TRPM7: variants seen among roughly 807,000 people sequenced by gnomAD.
TRPM7 encodes transient receptor potential cation channel subfamily M member 7, also known as LTRPC ion channel family member 7.
A neutral mutation model predicts 229.7 loss-of-function variants in TRPM7; 134 were observed. The ratio of observed to expected loss-of-function variants is 0.58; its 90% CI spans 0.51 to 0.67. The LOEUF is 0.67. Among genes scored for constraint, TRPM7 ranks in the 30% least tolerant of loss-of-function variants. TRPM7 has a pLI of 0.00. For synonymous variants in TRPM7, 699 were observed against 715.2 expected (o/e 0.98, Z 0.36); for missense variants, 1,901 against 2,210.0 (o/e 0.86, Z 2.80).
rs1320376814 is a variant in TRPM7, at chr15:50,604,906, T to C, written c.2948A>G (p.Asn983Ser). 6.2e-7 allele frequency: 1 copy of C among 1,611,416 alleles called. No homozygotes were observed. Residue 983 changes from asparagine (N) to serine (S), a missense_variant, in exon 21 of 39, where the codon AAT becomes AGT. Coordinates refer to ENST00000646667, the MANE Select transcript of TRPM7 (RefSeq NM_017672.6). ...YVRLLDFLAV[N>S]QQAGPYVMMI... is the part of the protein sequence containing the mutation. The stretch of plus-strand genomic sequence containing the variant: ...CATTACATAAGGTCCTGCCTGTTGA[T>C]TTACAGCTAGAAAATCTAGCAAACG...
In TRPM7 at chr15:50,604,876, A is replaced by G; in HGVS notation, c.2978T>C (p.Ile993Thr). Reference protein sequence around the residue: ...NQQAGPYVMMIGKMVANMFYI... With the variant: ...NQQAGPYVMMTGKMVANMFYI... ...CATCTGTCAACTTACCATTTTTCCA[A>G]TCATCATTACATAAGGTCCTGCCTG... The change falls in exon 21 of 39, where the codon ATT becomes ACT. Residue 993 changes from isoleucine (I) to threonine (T), a missense_variant. Coordinates refer to ENST00000646667, the MANE Select transcript of TRPM7 (RefSeq NM_017672.6). The G allele has an allele frequency of 6.4e-7, 1 of 1,565,190 alleles. No homozygotes were observed. Among genetic ancestry groups the G allele is most frequent in the Non-Finnish European group, 8.6e-7 (1 of 1,156,126 alleles).
chr15:50,561,916 CG>C, intron 38 of TRPM7, 108 bp from the exon 39 acceptor site: 2 of 1,156,952 alleles, frequency 1.7e-6, no homozygotes, highest in Non-Finnish European at 2.3e-6. Flanking sequence ...CTTTTCAAGA[CG>C]GAGTTTCGCT....
chr15:50,566,417 G>A (rs1400306882), intron 38 of TRPM7, among the ~76,000 whole-genome samples: 1 of 152,056 alleles, frequency 6.6e-6, no homozygotes, highest in Non-Finnish European at 1.5e-5. Flanking sequence ...AACATCTGAG[G>A]CCGGGCGCAG....
At position 50,609,565 on chromosome 15, in the gene TRPM7, T is replaced by A; in HGVS notation, c.2580+16A>T. The A allele has an allele frequency of 6.3e-7, 1 of 1,593,776 alleles. No homozygotes were observed. The highest frequency in any genetic ancestry group is 8.5e-7 in the Non-Finnish European group (1 of 1,173,384). On this transcript the variant is annotated intron_variant, in intron 19 of 38. Coordinates refer to ENST00000646667, the MANE Select transcript of TRPM7 (RefSeq NM_017672.6). The stretch of plus-strand genomic sequence containing the variant: ...AACTCTTAAAAACATTATGCTTGTG[T>A]AATTTAAAAACATACCGTGTTAAAC...
At chr15:50,589,753 C>A in intron 26 of TRPM7, 97 bp from the exon 27 acceptor site, 1 of 767,024 alleles carries the variant, frequency 1.3e-6, no homozygotes, top group Non-Finnish European at 2.1e-6. Flanking sequence ...TAGGTTTATG[C>A]TGTTTTTCAA....
chr15:50,587,119 C>T (rs765464364), intron 27 of TRPM7, among the ~76,000 whole-genome samples: 4 of 152,124 alleles, frequency 2.6e-5, no homozygotes, highest in Non-Finnish European at 5.9e-5. Flanking sequence ...TCACCTCACC[C>T]CCAAAGAAGC....
chr15:50,682,300 C>T (rs1294742640), intron 1 of TRPM7, among the ~76,000 whole-genome samples: 3 of 151,608 alleles, frequency 2.0e-5, no homozygotes, highest in Non-Finnish European at 4.4e-5. Context: ...TCTAAAACCC[C>T]TACGTGGACA....
In TRPM7 at chr15:50,594,487, A is replaced by G; in HGVS notation, c.3417T>C (p.Val1139=). Residue 1139 remains valine, a synonymous_variant, in exon 24 of 39, where the codon GTT becomes GTC. Coordinates refer to ENST00000646667, the MANE Select transcript of TRPM7 (RefSeq NM_017672.6). ...TCTTACATATGCAGCAAAACAGAGA[A>G]ACTATATGGCTAAGAATGATAAGTG... ...PPPLIILSHI[V]SLFCCICKRR... 1 of 1,613,300 alleles carries G rather than the reference A, an allele frequency of 6.2e-7. No homozygotes were observed. Among genetic ancestry groups the G allele is most frequent in the South Asian group, 1.1e-5 (1 of 90,960 alleles).
intron 5 of TRPM7, among the ~76,000 whole-genome samples, chr15:50,642,254 C>G (rs2061125094): frequency 6.6e-6 from 1 of 152,168 alleles, no homozygotes; most frequent in Non-Finnish European, 1.5e-5. Context: ...TAATGCTTTG[C>G]TCTACAGTAG....
At chr15:50,632,796 C>T in intron 9 of TRPM7, 73 bp downstream of exon 9, 5 of 1,333,766 alleles carry the variant, frequency 3.7e-6, no homozygotes, top group Non-Finnish European at 5.0e-6. Flanking sequence ...AGTATTTCAC[C>T]AGTTTAGAAT....
chr15:50,569,730 C>A (rs1596058962), intron 38 of TRPM7, among the ~76,000 whole-genome samples, 157 bp downstream of exon 38: 2 of 152,264 alleles, frequency 1.3e-5, no homozygotes, highest in Middle Eastern at 3.4e-3. Flanking sequence ...AACACAGATT[C>A]ATTTATAACC....
intron 27 of TRPM7, among the ~76,000 whole-genome samples, chr15:50,587,684 C>T (rs1367743332): frequency 6.6e-6 from 1 of 152,002 alleles, no homozygotes; most frequent in African/African-American, 2.4e-5. Context: ...TCAAGTGCTT[C>T]GCAATAGCAA....
chr15:50,670,628 C>T (rs545397863), intron 1 of TRPM7, among the ~76,000 whole-genome samples: 112 of 152,140 alleles, frequency 7.4e-4, no homozygotes, highest in African/African-American at 2.6e-3. Context: ...CTGGGAACTG[C>T]CCACCACTTT....
chr15:50,632,496 G>A (rs2060768386), intron 9 of TRPM7, among the ~76,000 whole-genome samples: 1 of 152,060 alleles, frequency 6.6e-6, no homozygotes, highest in Admixed American at 6.6e-5. Context: ...AAGCAGCACT[G>A]ATCTTTAATT....
At chr15:50,580,977 G>T in intron 29 of TRPM7, 69 bp from the exon 30 acceptor site, 1 of 1,481,006 alleles carries the variant, frequency 6.8e-7, no homozygotes, top group Non-Finnish European at 9.0e-7. Flanking sequence ...AAGCATAACG[G>T]TTTAACTTTT....
chr15:50,564,532 C>CAT (rs760141827), intron 38 of TRPM7, among the ~76,000 whole-genome samples: 1 of 151,356 alleles, frequency 6.6e-6, no homozygotes, highest in African/African-American at 2.4e-5. Flanking sequence ...CATGCATTAA[C>CAT]ATATATATAT....
At chr15:50,616,604 C>T (rs926837622) in intron 13 of TRPM7, among the ~76,000 whole-genome samples, 1 of 151,634 alleles carries the variant, frequency 6.6e-6, no homozygotes, top group Non-Finnish European at 1.5e-5. Flanking sequence ...GGTAACTTTT[C>T]GAAGTATTAT....
intron 26 of TRPM7, 101 bp downstream of exon 26, chr15:50,591,810 C>T (rs1435923108): frequency 1.2e-6 from 1 of 869,010 alleles, no homozygotes; most frequent in Non-Finnish European, 1.6e-6. Context: ...TATAATTATA[C>T]TCTATGAAAA....
At chr15:50,590,841 A>AAAAG (rs572123281) in intron 26 of TRPM7, among the ~76,000 whole-genome samples, 1 of 149,870 alleles carries the variant, frequency 6.7e-6, no homozygotes, top group African/African-American at 2.4e-5. Context: ...AAAAAAAAAA[A>AAAAG]GGGGGAATAT....
Sources: allele counts gnomAD v4.1 joint callset (sites outside exome capture counted in the v4.1 genomes callset), GRCh38; gene constraint gnomAD v4.1.1; transcripts MANE v1.5; gene names NCBI Gene and HGNC (gene_info 2026-07-23, HGNC 2026-07-21).